ZNF675: variants seen among roughly 807,000 people sequenced by gnomAD.
ZNF675 encodes zinc finger protein 675.
A neutral mutation model predicts 56.1 loss-of-function variants in ZNF675; 36 were observed. That is an observed-to-expected ratio of 0.64 (90% confidence interval 0.49 to 0.85). ZNF675 has a LOEUF of 0.85. ZNF675 is among the 40% of genes least tolerant of loss of function. ZNF675 has a pLI of 0.00. For synonymous variants in ZNF675, 200 were observed against 218.9 expected (o/e 0.91, Z 0.76); for missense variants, 663 against 654.2 (o/e 1.01, Z -0.15).
rs1967945627 is a variant in ZNF675, at chr19:23,653,928, A to T, written c.1005T>A (p.Thr335=). ...STLTTHKRIH[T]GEKPYKCEEC... The stretch of plus-strand genomic sequence containing the variant: ...CTTCACATTTGTAGGGTTTTTCTCC[A>T]GTATGAATTCTCTTATGTGTAGTAA... Residue 335 remains threonine, a synonymous_variant, in exon 4 of 4, where the codon ACT becomes ACA. Coordinates refer to ENST00000359788, the MANE Select transcript of ZNF675 (RefSeq NM_138330.3). 6.2e-7 allele frequency: 1 copy of T among 1,613,094 alleles called. No individual in the cohort carries two copies. Among genetic ancestry groups the T allele is most frequent in the Non-Finnish European group, 8.5e-7 (1 of 1,179,502 alleles).
chr19:23,676,481 G>A (rs992456787), intron 1 of ZNF675, among the ~76,000 whole-genome samples: 1 of 151,584 alleles, frequency 6.6e-6, no homozygotes, highest in Non-Finnish European at 1.5e-5. Context: ...ACCAAATCCA[G>A]CAGCACATCA....
At chr19:23,662,834 A>T (rs533805953) in intron 2 of ZNF675, among the ~76,000 whole-genome samples, 198 bp downstream of exon 2, 1 of 151,938 alleles carries the variant, frequency 6.6e-6, no homozygotes, top group Non-Finnish European at 1.5e-5. Context: ...ACAAAAAAAA[A>T]TTAGCTAGGC....
chr19:23,659,199 A>G (rs895985110), intron 3 of ZNF675, among the ~76,000 whole-genome samples: 1 of 152,240 alleles, frequency 6.6e-6, no homozygotes, highest in Non-Finnish European at 1.5e-5. Flanking sequence ...TGGAGTGCCT[A>G]CAAATTATCT....
Position 23,663,028 on chromosome 19 carries a change from T to G in ZNF675, c.130+4A>C. The G allele has an allele frequency of 6.3e-7, 1 of 1,578,654 alleles. No homozygotes were observed. On this transcript the variant is annotated splice_donor_region_variant and intron_variant, in intron 2 of 3. Transcript: ENST00000359788. ...AAGAAACTGTGTGTTTAAGTTATCC[T>G]TACCCAGGAAGACCAGGTTTCTGTA...
At position 23,654,350 on chromosome 19, in the gene ZNF675, T is replaced by C; in HGVS notation, c.583A>G (p.Thr195Ala). Residue 195 changes from threonine (T) to alanine (A), a missense_variant, in exon 4 of 4, where the codon ACC becomes GCC. Coordinates refer to ENST00000359788, the MANE Select transcript of ZNF675 (RefSeq NM_138330.3). ...SHLTRHERNY[T>A]KVNFCKCEEC... is the part of the protein sequence containing the mutation. ...TCACATTTGCAGAAATTCACCTTGG[T>C]ATAATTTCTTTCATGTCGAGTTAGG... is the stretch of plus-strand genomic sequence containing the variant. 2 of 1,612,272 alleles carry C rather than the reference T, an allele frequency of 1.2e-6. No individual in the cohort carries two copies. The highest frequency in any genetic ancestry group is 1.7e-6 in the Non-Finnish European group (2 of 1,179,262).
In ZNF675 at chr19:23,663,178, A is replaced by G. The variant is rs747623436; in HGVS notation, c.4-20T>C. 6.3e-7 allele frequency: 1 copy of G among 1,594,012 alleles called. No individual in the cohort carries two copies. Among genetic ancestry groups the G allele is most frequent in the South Asian group, 1.1e-5 (1 of 88,432 alleles). On this transcript the variant is annotated intron_variant, in intron 1 of 3. Coordinates refer to ENST00000359788, the MANE Select transcript of ZNF675 (RefSeq NM_138330.3). ...CAGTCCCTGAAAAACACATACACACAAACATATTCACCAGGTAGCCAACAG... is the reference window on the plus strand; with the variant it reads ...CAGTCCCTGAAAAACACATACACACGAACATATTCACCAGGTAGCCAACAG...
intron 3 of ZNF675, chr19:23,656,206 TA>T (rs755561482): frequency 2.6e-5 from 4 of 152,016 alleles, no homozygotes; most frequent in Non-Finnish European, 2.9e-5. Flanking sequence ...TATATGAAAA[TA>T]AAACAGTGTT....
Position 23,654,155 on chromosome 19 carries a change from C to T in ZNF675, c.778G>A (p.Glu260Lys). 6.2e-7 allele frequency: 1 copy of T among 1,614,048 alleles called. No individual in the cohort carries two copies. The highest frequency in any genetic ancestry group is 1.1e-5 in the South Asian group (1 of 91,078). The stretch of plus-strand genomic sequence containing the variant: ...GACTGGTTAAAGGCTTTGCCACATT[C>T]TTCACATTTGTATGGTTTCTCTCGA... ...YAREKPYKCEECGKAFNQSSH... is the reference protein window; with the variant it reads ...YAREKPYKCEKCGKAFNQSSH... The change falls in exon 4 of 4, where the codon GAA (glutamate) becomes AAA (lysine). Residue 260 changes from glutamate (E) to lysine (K), a missense_variant. Transcript: ENST00000359788.
chr19:23,661,546 C>T lies in ZNF675; in HGVS notation c.226+568G>A, dbSNP rs79421851. Among the ~76,000 whole-genome samples, 162 of 151,876 alleles carry T rather than the reference C, an allele frequency of 1.1e-3. 1 individual carries two copies. Among genetic ancestry groups the T allele is most frequent in the African/African-American group, 3.5e-3 (143 of 41,430 alleles). On this transcript the variant is annotated intron_variant, in intron 3 of 3. Transcript: ENST00000359788. Reference sequence around the variant, plus strand: ...TCTCTACTAAAAACACAAAATTAGCCGGGTGTGGTGGCACGTGCTTGTAAT... The same window carrying T: ...TCTCTACTAAAAACACAAAATTAGCTGGGTGTGGTGGCACGTGCTTGTAAT...
chr19:23,669,224 G>GC (rs111651301), intron 1 of ZNF675, among the ~76,000 whole-genome samples: 1 of 152,236 alleles, frequency 6.6e-6, no homozygotes, highest in African/African-American at 2.4e-5. Context: ...TGCCTGTCCT[G>GC]CCCAGAAGGG....
intron 1 of ZNF675, among the ~76,000 whole-genome samples, chr19:23,684,195 G>A (rs1466500971): frequency 6.6e-6 from 1 of 151,284 alleles, no homozygotes; most frequent in Non-Finnish European, 1.5e-5. Context: ...CCGGGAGGCA[G>A]AGCTTGCAGT....
chr19:23,684,682 C>T (rs182008549), intron 1 of ZNF675, among the ~76,000 whole-genome samples: 19 of 152,126 alleles, frequency 1.2e-4, no homozygotes, highest in Admixed American at 1.2e-3. Flanking sequence ...ATTCATGTGT[C>T]AAGTCAGGTC....
intron 1 of ZNF675, among the ~76,000 whole-genome samples, chr19:23,666,151 G>A (rs983527299): frequency 2.6e-5 from 4 of 152,192 alleles, no homozygotes; most frequent in Non-Finnish European, 5.9e-5. Context: ...CCATGCCTAA[G>A]TAACAAAAAG....
chr19:23,674,912 T>C (rs553296282), intron 1 of ZNF675, among the ~76,000 whole-genome samples: 7 of 150,160 alleles, frequency 4.7e-5, no homozygotes, highest in Admixed American at 4.6e-4. Context: ...GCAGAGGTTG[T>C]AGTGGGCCAA....
In ZNF675 at chr19:23,653,745, G is replaced by C; in HGVS notation, c.1188C>G (p.Tyr396Ter). ...AAGCTTTGCCACATTCTTTACATTT[G>C]TAGGGTTTCTCTTCGGTATGAATTT... is the stretch of plus-strand genomic sequence containing the variant. Reference protein sequence around the residue: ...HRKIHTEEKPYKCKECGKAFK... With the variant: ...HRKIHTEEKP The change falls in exon 4 of 4, where the codon TAC (tyrosine) becomes TAG (stop). Residue 396 changes from tyrosine to a stop codon, truncating the protein, a stop_gained. Transcript: ENST00000359788. LOFTEE classifies it high-confidence loss of function. 1 of 1,613,864 alleles carries C rather than the reference G, an allele frequency of 6.2e-7. No homozygotes were observed. Among genetic ancestry groups the C allele is most frequent in the Non-Finnish European group, 8.5e-7 (1 of 1,179,958 alleles).
chr19:23,656,534 T>C (rs11085597), intron 3 of ZNF675: 147,737 of 152,048 alleles, frequency 0.97, 71,932 homozygotes, highest in Middle Eastern at 1. Flanking sequence ...GATGCAGAGG[T>C]TGCAGTGAGC....
chr19:23,672,581 G>T (rs1968240787), intron 1 of ZNF675, among the ~76,000 whole-genome samples: 1 of 152,186 alleles, frequency 6.6e-6, no homozygotes, highest in Non-Finnish European at 1.5e-5. Context: ...CCAGACAGAG[G>T]TTAGACCTTA....
At chr19:23,675,420 A>G (rs1456007963) in intron 1 of ZNF675, among the ~76,000 whole-genome samples, 1 of 151,778 alleles carries the variant, frequency 6.6e-6, no homozygotes, top group African/African-American at 2.4e-5. Flanking sequence ...TCACCACCAC[A>G]GGGCACATAC....
At chr19:23,685,056 AATCCAAT>A (rs1376981571) in intron 1 of ZNF675, among the ~76,000 whole-genome samples, 4 of 151,944 alleles carry the variant, frequency 2.6e-5, no homozygotes, top group Non-Finnish European at 4.4e-5. Flanking sequence ...CCCAGGCTGG[AATCCAAT>A]GGTGCGATCT....
Sources: gnomAD v4.1 joint callset for allele counts (sites outside exome capture counted in the v4.1 genomes callset) on GRCh38, gnomAD v4.1.1 for gene constraint, MANE v1.5 for transcripts, NCBI Gene and HGNC (gene_info 2026-07-23, HGNC 2026-07-21) for gene names.